Variants in SVIL observed in about 807,000 individuals in gnomAD.
SVIL encodes the protein archvillin.
A neutral mutation model predicts 240.4 loss-of-function variants in SVIL; 101 were observed. The ratio of observed to expected loss-of-function variants is 0.42; its 90% CI spans 0.36 to 0.50. The LOEUF is 0.50. SVIL is among the 20% of genes least tolerant of loss of function. The probability of loss-of-function intolerance (pLI) is 0.01; values close to 1 mark genes in which losing one functional copy is unlikely to be tolerated. For synonymous variants in SVIL, 999 were observed against 1,100.0 expected (o/e 0.91, Z 1.82); for missense variants, 2,512 against 2,818.7 (o/e 0.89, Z 2.46).
chr10:29,645,917 C>A (rs570792253), intron 3 of SVIL, among the ~76,000 whole-genome samples: 2 of 152,294 alleles, frequency 1.3e-5, no homozygotes, highest in South Asian at 4.1e-4. Context: ...TAAGCAAATA[C>A]GTTTTCAAAC....
At chr10:29,703,933 C>T (rs1372586392) in intron 1 of SVIL, among the ~76,000 whole-genome samples, 1 of 152,100 alleles carries the variant, frequency 6.6e-6, no homozygotes, top group Non-Finnish European at 1.5e-5. Context: ...TCCTGAGTAG[C>T]TAGGACCACA....
intron 1 of SVIL, among the ~76,000 whole-genome samples, chr10:29,585,759 G>C (rs571390487): frequency 1.3e-5 from 2 of 152,326 alleles, no homozygotes; most frequent in South Asian, 4.1e-4. Context: ...TCTCTGGAGG[G>C]AGGGGAGAAC....
At chr10:29,639,307 G>A (rs1351646319), upstream of SVIL, among the ~76,000 whole-genome samples, 3 of 152,104 alleles carry the variant, frequency 2.0e-5, no homozygotes, top group Non-Finnish European at 4.4e-5. Context: ...GAGTAGCTGG[G>A]ACTACAGGTG....
chr10:29,472,486 T>C (rs1314026906), intron 30 of SVIL, among the ~76,000 whole-genome samples: 1 of 152,260 alleles, frequency 6.6e-6, no homozygotes, highest in African/African-American at 2.4e-5. Flanking sequence ...TAAAGAGATT[T>C]GCACATGGCA....
At chr10:29,540,070 T>G (rs117252974) in intron 6 of SVIL, among the ~76,000 whole-genome samples, 7,613 of 152,250 alleles carry the variant, frequency 0.05, 267 homozygotes, top group Admixed American at 0.11. Context: ...TTATTCTACC[T>G]GTTTTCATCC....
intron 1 of SVIL, among the ~76,000 whole-genome samples, chr10:29,599,793 G>GAT (rs1212262920): frequency 6.6e-6 from 1 of 152,130 alleles, no homozygotes; most frequent in African/African-American, 2.4e-5. Flanking sequence ...AGATAGACAG[G>GAT]ATATGGGTGG....
chr10:29,707,189 G>C (rs767682765), intron 1 of SVIL, among the ~76,000 whole-genome samples: 22 of 152,188 alleles, frequency 1.4e-4, no homozygotes, highest in Non-Finnish European at 2.9e-4. Flanking sequence ...GTCAGTGGTA[G>C]TTTGATGGGA....
intron 1 of SVIL, among the ~76,000 whole-genome samples, chr10:29,696,835 C>T (rs912837705): frequency 2.7e-5 from 4 of 150,930 alleles, no homozygotes; most frequent in Non-Finnish European, 5.9e-5. Flanking sequence ...CTCAGCCCCC[C>T]GCCCGGCCAA....
intron 1 of SVIL, among the ~76,000 whole-genome samples, chr10:29,622,140 C>T (rs924099574): frequency 4.4e-4 from 65 of 148,768 alleles, no homozygotes; most frequent in African/African-American, 1.5e-3. Context: ...GTCCCAGCTA[C>T]TCGGGAGGCT....
intron 1 of SVIL, among the ~76,000 whole-genome samples, chr10:29,733,663 G>A (rs1279434410): frequency 6.6e-6 from 1 of 152,150 alleles, no homozygotes; most frequent in Non-Finnish European, 1.5e-5. Flanking sequence ...ATTGTCCAAG[G>A]CTGCAGACCT....
chr10:29,658,322 T>C (rs574174165), intron 2 of SVIL, among the ~76,000 whole-genome samples: 26 of 152,338 alleles, frequency 1.7e-4, no homozygotes, highest in Non-Finnish European at 2.9e-4. Flanking sequence ...GTAAACTCAG[T>C]GAATAAAGTC....
intron 3 of SVIL, among the ~76,000 whole-genome samples, chr10:29,649,311 A>G (rs1278114451): frequency 6.6e-6 from 1 of 152,204 alleles, no homozygotes; most frequent in East Asian, 1.9e-4. Context: ...GAACAAATGA[A>G]GATGCTTCTT....
At chr10:29,588,616 C>T (rs1464613892) in intron 1 of SVIL, among the ~76,000 whole-genome samples, 1 of 152,158 alleles carries the variant, frequency 6.6e-6, no homozygotes, top group Non-Finnish European at 1.5e-5. Context: ...CTAGGAAATT[C>T]TCTGACAGAG....
At chr10:29,567,549 A>C in intron 2 of SVIL, among the ~76,000 whole-genome samples, 1 of 152,206 alleles carries the variant, frequency 6.6e-6, no homozygotes, top group African/African-American at 2.4e-5. Flanking sequence ...GCATGACATA[A>C]TGTCCATGAT....
At chr10:29,656,782 C>A (rs1959020110) in intron 3 of SVIL, among the ~76,000 whole-genome samples, 1 of 152,210 alleles carries the variant, frequency 6.6e-6, no homozygotes, top group Admixed American at 6.5e-5. Flanking sequence ...CTGCAGCACC[C>A]AATTAAAGCC....
rs1951459833 is a variant in SVIL at position 29,532,691 on chromosome 10, G to A, written c.1676C>T (p.Ala559Val). The A allele has an allele frequency of 6.2e-7, 1 of 1,614,200 alleles. No individual in the cohort carries two copies. Among genetic ancestry groups the A allele is most frequent in the Non-Finnish European group, 8.5e-7 (1 of 1,180,032 alleles). Residue 559 changes from alanine to valine, a missense_variant, in exon 8 of 38, where the codon GCC becomes GTC. Physicochemically the swap from Ala to Val is moderately conservative, Grantham distance 64. Around this residue, in one of 3 missense-constraint regions of SVIL, gnomAD observed 1,443 missense variants for 1,486.6 expected, o/e 0.97. Coordinates refer to ENST00000355867, the MANE Select transcript of SVIL (RefSeq NM_021738.3). ...SDFTGPPQLQ[A>V]LKYKDPASRR... ...GGAAGCTGGGTCCTTATACTTCAAG[G>A]CCTGGAGCTGAGGGGGGCCTGTGAA...
chr10:29,657,445 C>T (rs1431624643), intron 3 of SVIL, among the ~76,000 whole-genome samples: 1 of 152,180 alleles, frequency 6.6e-6, no homozygotes, highest in African/African-American at 2.4e-5. Context: ...TAGGCATAGA[C>T]CCATCCTCTG....
intron 34 of SVIL, 122 bp from the exon 35 acceptor site, chr10:29,463,757 C>T: frequency 2.1e-6 from 3 of 1,400,436 alleles, no homozygotes; most frequent in Non-Finnish European, 2.9e-6. Flanking sequence ...GGGAAACCCC[C>T]TTGGCCATCA....
rs370646508 is a variant in SVIL, at chr10:29,688,754, C to A, written c.-399-2103G>T. On this transcript the variant is annotated intron_variant, in intron 1 of 35. Coordinates refer to the SVIL transcript ENST00000375400. ...TGGAGATGCTCAGTTGCCCAGTGATCAGGATGTGTATCAGTATGTTTTAAT... is the reference window on the plus strand; with the variant it reads ...TGGAGATGCTCAGTTGCCCAGTGATAAGGATGTGTATCAGTATGTTTTAAT... 2.0e-4 allele frequency among the ~76,000 whole-genome samples: 31 copies of A among 152,230 alleles called. 1 individual carries two copies. The East Asian group carries it at 3.5e-3, about 17-fold the overall frequency.
Sources: allele counts gnomAD v4.1 joint callset (sites outside exome capture counted in the v4.1 genomes callset), GRCh38; gene constraint gnomAD v4.1.1; regional missense constraint gnomAD v4.1.1; transcripts MANE v1.5; gene names NCBI Gene and HGNC (gene_info 2026-07-23, HGNC 2026-07-21).